Variants in CCDC15 observed in about 807,000 individuals in gnomAD.
CCDC15 encodes coiled-coil domain-containing protein 15.
Under a neutral mutation model 114.5 loss-of-function variants are expected in CCDC15, and 105 were observed. The observed-to-expected ratio is 0.92, with a 90% CI of 0.78 to 1.08. The LOEUF (loss-of-function observed/expected upper bound fraction) is 1.08. Ranked by LOEUF, CCDC15 falls within the 50% of genes least tolerant of loss-of-function variation. The probability of loss-of-function intolerance (pLI) is 0.00; values close to 1 mark genes in which losing one functional copy is unlikely to be tolerated. For missense variants in CCDC15, 1,105 were observed against 1,093.6 expected (o/e 1.01, Z -0.15); for synonymous variants, 334 against 377.8 (o/e 0.88, Z 1.34).
chr11:125,020,243 C>T (rs1423888654), intron 13 of CCDC15, among the ~76,000 whole-genome samples: 1 of 151,928 alleles, frequency 6.6e-6, no homozygotes, highest in Admixed American at 6.6e-5. Flanking sequence ...TCTTTCACTC[C>T]TGAAGTAAAT....
chr11:125,001,118 T>A (rs1308230652), intron 11 of CCDC15, among the ~76,000 whole-genome samples: 4 of 152,186 alleles, frequency 2.6e-5, no homozygotes, highest in Non-Finnish European at 5.9e-5. Flanking sequence ...ATGGGGACCA[T>A]TTTAACAGTG....
chr11:125,009,565 C>T (rs1163927540), intron 13 of CCDC15, among the ~76,000 whole-genome samples: 1 of 151,988 alleles, frequency 6.6e-6, no homozygotes, highest in African/African-American at 2.4e-5. Flanking sequence ...GGGTATATTG[C>T]GTGATGCTGA....
chr11:125,008,458 G>A (rs75050375), intron 13 of CCDC15, among the ~76,000 whole-genome samples: 136 of 152,262 alleles, frequency 8.9e-4, no homozygotes, highest in Non-Finnish European at 1.7e-3. Context: ...TGTCACCAGT[G>A]AACAAAGTTA....
chr11:125,016,732 ACC>A (rs1030409190), intron 13 of CCDC15, among the ~76,000 whole-genome samples: 1 of 152,196 alleles, frequency 6.6e-6, no homozygotes, highest in Non-Finnish European at 1.5e-5. Context: ...AAGGCAACAT[ACC>A]CCTGCTGTGG....
In CCDC15 at chr11:124,993,272, G is replaced by T. The variant is rs1177826468; in HGVS notation, c.2214+29G>T. ...TGTTTCACACAATATTCAAGATCTA[G>T]TCTCTTCTAGAGAAGTAGAGCAGAA... On this transcript the variant is annotated intron_variant, in intron 11 of 15. Coordinates refer to ENST00000344762, the MANE Select transcript of CCDC15 (RefSeq NM_025004.3). 7 of 1,423,426 alleles carry T rather than the reference G, an allele frequency of 4.9e-6. No individual in the cohort carries two copies. The South Asian group carries it at 7.1e-5, about 15-fold the overall frequency. The allele number at this position is 1,423,426 out of a possible 1,614,324, so 88.2% of individuals were successfully genotyped here.
intron 12 of CCDC15, among the ~76,000 whole-genome samples, chr11:125,004,521 A>G (rs921735757): frequency 6.6e-6 from 1 of 152,068 alleles, no homozygotes; most frequent in Non-Finnish European, 1.5e-5. Context: ...CTACTTTGGT[A>G]TATACATAGA....
chr11:124,961,295 C>T (rs188186700), intron 4 of CCDC15, among the ~76,000 whole-genome samples: 58 of 152,096 alleles, frequency 3.8e-4, no homozygotes, highest in African/African-American at 1.4e-3. Context: ...TGGATTGTAG[C>T]GATACTAAGG....
intron 13 of CCDC15, among the ~76,000 whole-genome samples, chr11:125,036,583 A>G (rs1948775632): frequency 6.6e-6 from 1 of 151,742 alleles, no homozygotes; most frequent in South Asian, 2.1e-4. Flanking sequence ...TTTCCTCCTC[A>G]AGGCCCAAAA....
At chr11:124,973,886 G>A (rs1347379081) in intron 4 of CCDC15, among the ~76,000 whole-genome samples, 4 of 152,158 alleles carry the variant, frequency 2.6e-5, no homozygotes, top group Non-Finnish European at 2.9e-5. Context: ...GATTAGTAGC[G>A]ATCTTGGCTT....
At chr11:124,960,147 T>C (rs1371464821) in intron 4 of CCDC15, 144 bp downstream of exon 4, 9 of 539,580 alleles carry the variant, frequency 1.7e-5, no homozygotes, top group Non-Finnish European at 2.3e-5. Context: ...TTTTTTTTTT[T>C]TTTAGCTTTG....
At chr11:125,006,006 GA>G (rs1948548981) in intron 13 of CCDC15, among the ~76,000 whole-genome samples, 1 of 152,066 alleles carries the variant, frequency 6.6e-6, no homozygotes, top group African/African-American at 2.4e-5. Context: ...TAGCAATTAT[GA>G]ATAAAGCTAC....
At chr11:124,973,599 G>A (rs1947922176) in intron 4 of CCDC15, among the ~76,000 whole-genome samples, 1 of 151,890 alleles carries the variant, frequency 6.6e-6, no homozygotes, top group Non-Finnish European at 1.5e-5. Context: ...TTCATCCTTA[G>A]GTAATTATTA....
chr11:125,009,465 T>C (rs919834518), intron 13 of CCDC15, among the ~76,000 whole-genome samples: 1 of 152,208 alleles, frequency 6.6e-6, no homozygotes, highest in Non-Finnish European at 1.5e-5. Context: ...AATAGCATAA[T>C]GAATAGTCTT....
chr11:124,992,474 C>T, intron 9 of CCDC15, 106 bp from the exon 10 acceptor site: 1 of 663,554 alleles, frequency 1.5e-6, no homozygotes, highest in Non-Finnish European at 2.6e-6. Flanking sequence ...AATATTTTTA[C>T]CTGGTTTCAT....
chr11:124,983,817 AG>A (rs1948112163), intron 6 of CCDC15, among the ~76,000 whole-genome samples: 1 of 151,896 alleles, frequency 6.6e-6, no homozygotes, highest in South Asian at 2.1e-4. Context: ...CGGCAGGTGC[AG>A]GGGTGCTGGC....
At chr11:124,956,877 G>C (rs1947561701) in intron 2 of CCDC15, among the ~76,000 whole-genome samples, 1 of 152,050 alleles carries the variant, frequency 6.6e-6, no homozygotes, top group Non-Finnish European at 1.5e-5. Context: ...TCTAAAGCTT[G>C]GCCCTTAGAT....
At chr11:125,020,035 A>G (rs1420251368) in intron 13 of CCDC15, among the ~76,000 whole-genome samples, 1 of 151,892 alleles carries the variant, frequency 6.6e-6, no homozygotes, top group Non-Finnish European at 1.5e-5. Context: ...GCTATGAAAC[A>G]TTAGAATTTA....
At chr11:125,005,830 A>T (rs1302409412) in intron 13 of CCDC15, among the ~76,000 whole-genome samples, 1 of 152,016 alleles carries the variant, frequency 6.6e-6, no homozygotes, top group South Asian at 2.1e-4. Context: ...ACCTTTTTAG[A>T]TTGGCTTTTT....
Position 124,998,911 on chromosome 11 carries a change from G to A in CCDC15, c.2215-4956G>A, listed in dbSNP as rs1289702890. Among the ~76,000 whole-genome samples the A allele has an allele frequency of 2.0e-5, 3 of 152,000 alleles. No homozygotes were observed. The East Asian group carries it at 5.8e-4, about 29-fold the overall frequency. The stretch of plus-strand genomic sequence containing the variant: ...ATACCACTATGCCTGGATAATGTTT[G>A]TATTTTTAGTAGAGAAGGGGTTTCG... On this transcript the variant is annotated intron_variant, in intron 11 of 15. Coordinates refer to ENST00000344762, the MANE Select transcript of CCDC15 (RefSeq NM_025004.3).
Sources: gnomAD v4.1 joint callset for allele counts (sites outside exome capture counted in the v4.1 genomes callset) on GRCh38, gnomAD v4.1.1 for gene constraint, MANE v1.5 for transcripts, NCBI Gene and HGNC (gene_info 2026-07-23, HGNC 2026-07-21) for gene names.